NCOA4: variants seen among roughly 807,000 people sequenced by gnomAD.
The protein encoded by NCOA4 is nuclear receptor coactivator 4.
NCOA4 carries 31 observed loss-of-function variants against 69.5 expected under a neutral mutation model. The ratio of observed to expected loss-of-function variants is 0.45; its 90% CI spans 0.34 to 0.60. NCOA4 has a LOEUF of 0.60. NCOA4 is among the 20% of genes least tolerant of loss of function. NCOA4 has a pLI of 0.02. For synonymous variants in NCOA4, 228 were observed against 252.4 expected (o/e 0.90, Z 0.92); for missense variants, 600 against 719.2 (o/e 0.83, Z 1.90).
At chr10:46,023,054 C>T (rs1016078002) in intron 1 of NCOA4, among the ~76,000 whole-genome samples, 1 of 152,226 alleles carries the variant, frequency 6.6e-6, no homozygotes, top group African/African-American at 2.4e-5. Context: ...CCCAGCACAT[C>T]AATTTTCTAA....
chr10:46,022,495 T>G (rs148094875), intron 1 of NCOA4: 18 of 461,790 alleles, frequency 3.9e-5, no homozygotes, highest in South Asian at 2.7e-4. Context: ...AGACGGAGTC[T>G]AGCTCTGCCG....
At chr10:46,025,996 C>A (rs1389860837) in intron 1 of NCOA4, among the ~76,000 whole-genome samples, 1 of 152,180 alleles carries the variant, frequency 6.6e-6, no homozygotes, top group Non-Finnish European at 1.5e-5. Flanking sequence ...ATGTCCCTGG[C>A]AATTGTACAA....
Position 46,014,868 on chromosome 10 carries a change from A to G in NCOA4, c.357T>C (p.Ser119=). ...AGGGTCATTACCTCTCCAGGCACAC[A>G]GAGACTTGATTGGCTAGATCTTTGT... ...TQNKDLANQV[S]VCLERLGSLT... The change falls in exon 4 of 10, where the codon TCT becomes TCC. Residue 119 remains serine (S), a synonymous_variant. Coordinates refer to ENST00000581486, the MANE Select transcript of NCOA4 (RefSeq NM_001145263.2). 1.9e-6 allele frequency: 3 copies of G among 1,614,006 alleles called. No homozygotes were observed. The highest frequency in any genetic ancestry group is 2.5e-6 in the Non-Finnish European group (3 of 1,179,844).
At chr10:46,026,294 AGT>A (rs1840155363) in intron 1 of NCOA4, among the ~76,000 whole-genome samples, 1 of 152,248 alleles carries the variant, frequency 6.6e-6, no homozygotes, top group African/African-American at 2.4e-5. Context: ...GTGCTGAGAT[AGT>A]GTCTTTCCTG....
chr10:46,022,338 C>G (rs1279424096), intron 1 of NCOA4: 2 of 424,864 alleles, frequency 4.7e-6, no homozygotes, highest in African/African-American at 2.1e-5. Flanking sequence ...ATGAGACAAC[C>G]TGCATTAGAC....
At chr10:46,020,993 A>T (rs972262714) in intron 1 of NCOA4, among the ~76,000 whole-genome samples, 1 of 152,208 alleles carries the variant, frequency 6.6e-6, no homozygotes, top group Admixed American at 6.5e-5. Flanking sequence ...GAGGAAGTAA[A>T]GGAGGAGGAA....
chr10:46,006,696 A>G, intron 9 of NCOA4, 99 bp from the exon 10 acceptor site: 1 of 1,065,912 alleles, frequency 9.4e-7, no homozygotes, highest in Non-Finnish European at 1.5e-6. Flanking sequence ...ATACAGGTAT[A>G]CCCTTGTTAC....
At chr10:46,030,260 G>A (rs948056694) in intron 1 of NCOA4, among the ~76,000 whole-genome samples, 1 of 152,052 alleles carries the variant, frequency 6.6e-6, no homozygotes, top group African/African-American at 2.4e-5. Flanking sequence ...AGGAGGGTCG[G>A]GGAGGAAAAG....
intron 7 of NCOA4, among the ~76,000 whole-genome samples, chr10:46,011,601 A>G (rs1839210369): frequency 6.6e-6 from 1 of 152,026 alleles, no homozygotes; most frequent in Non-Finnish European, 1.5e-5. Flanking sequence ...TGTCTTGCCC[A>G]GTGTTTTGAA....
rs187538862 is a variant in NCOA4 at position 46,006,076 on chromosome 10, A to G, written c.*516T>C. ...ATTAATATATATTTTGGTAATCACT[A>G]TTGACCAGGTTAATTTTTTTGTGCA... On this transcript the variant is annotated 3_prime_UTR_variant, in exon 10 of 10. Coordinates refer to ENST00000581486, the MANE Select transcript of NCOA4 (RefSeq NM_001145263.2). 18 of 210,322 alleles carry G rather than the reference A, an allele frequency of 8.6e-5. 1 individual carries two copies. The East Asian group carries it at 1.2e-3, about 15-fold the overall frequency. 13.0% of individuals were successfully genotyped at this position (210,322 alleles called of 1,614,324 possible).
intron 1 of NCOA4, among the ~76,000 whole-genome samples, chr10:46,023,699 T>TG (rs1471886085): frequency 2.6e-5 from 4 of 152,234 alleles, no homozygotes; most frequent in Non-Finnish European, 5.9e-5. Context: ...TCTCCCCACT[T>TG]GCTCCACCCG....
intron 1 of NCOA4, chr10:46,027,476 A>T (rs2132390757): frequency 6.4e-7 from 1 of 1,551,414 alleles, no homozygotes; most frequent in Non-Finnish European, 8.7e-7. Flanking sequence ...TCCAGCCTAG[A>T]CCTCCACATT....
At chr10:46,008,216 GTAT>G (rs1838967548) in intron 9 of NCOA4, among the ~76,000 whole-genome samples, 1 of 152,182 alleles carries the variant, frequency 6.6e-6, no homozygotes, top group African/African-American at 2.4e-5. Context: ...CAACTTTCAA[GTAT>G]TATTTAAGAA....
At position 46,006,574 on chromosome 10, in the gene NCOA4, C is replaced by T; in HGVS notation, c.*18G>A. The T allele has an allele frequency of 6.2e-7, 1 of 1,613,878 alleles. No individual in the cohort carries two copies. Among genetic ancestry groups the T allele is most frequent in the Middle Eastern group, 1.7e-4 (1 of 5,960 alleles). ...TGTGATAATCAGCAGAAAGGCTGCTCAACTCTTGTCCATTCCTTCACATCT... is the reference window on the plus strand; with the variant it reads ...TGTGATAATCAGCAGAAAGGCTGCTTAACTCTTGTCCATTCCTTCACATCT... On this transcript the variant is annotated 3_prime_UTR_variant, in exon 10 of 10. Transcript: ENST00000581486.
At chr10:46,024,760 C>A (rs542985151) in intron 1 of NCOA4, among the ~76,000 whole-genome samples, 3 of 152,276 alleles carry the variant, frequency 2.0e-5, no homozygotes, top group African/African-American at 7.2e-5. Context: ...TATTTTACCT[C>A]TCTTCTGCTT....
chr10:46,010,489 T>A lies in NCOA4; in HGVS notation c.1432A>T (p.Thr478Ser). The change falls in exon 8 of 10, where the codon ACT becomes TCT. Residue 478 changes from threonine (T) to serine (S), a missense_variant. Physicochemically the swap from Thr to Ser is moderately conservative, Grantham distance 58. Coordinates refer to ENST00000581486, the MANE Select transcript of NCOA4 (RefSeq NM_001145263.2). The part of the protein sequence containing the change: ...IEQTKAPKAM[T>S]PSRIADSFQV... ...AAGGAATCAGCAATTCTAGAAGGAG[T>A]CATTGCCTTTGGTGCTTTAGTTTGT... The A allele has an allele frequency of 6.2e-7, 1 of 1,614,054 alleles. No individual in the cohort carries two copies. The highest frequency in any genetic ancestry group is 8.5e-7 in the Non-Finnish European group (1 of 1,179,996).
At chr10:46,009,589 C>A in intron 8 of NCOA4, 38 bp from the exon 9 acceptor site, 3 of 1,576,818 alleles carry the variant, frequency 1.9e-6, no homozygotes, top group Non-Finnish European at 1.7e-6. Flanking sequence ...TTCATGAAAA[C>A]AAGGAGGCAT....
At position 46,009,506 on chromosome 10, in the gene NCOA4, G is replaced by A. The variant is rs782404346; in HGVS notation, c.1744C>T (p.Pro582Ser). 2.7e-5 allele frequency: 44 copies of A among 1,611,070 alleles called. No individual in the cohort carries two copies. The highest frequency in any genetic ancestry group is 3.1e-5 in the Non-Finnish European group (37 of 1,179,086). Residue 582 changes from proline to serine, a missense_variant, in exon 9 of 10, where the codon CCA becomes TCA. Physicochemically the swap from Pro to Ser is moderately conservative, Grantham distance 74. Transcript: ENST00000581486. ...ACTGCAGGGAGGCCATAATGGTCTG[G>A]GGGGAAGTTATGTTCCTCCTGTAGA... ...SPLQEEHNFP[P>S]DHYGLPAVCD...
Position 46,010,463 on chromosome 10 carries a change from G to A in NCOA4, c.1458C>T (p.Phe486=). Residue 486 remains phenylalanine, a synonymous_variant, in exon 8 of 10, where the codon TTC becomes TTT. Transcript: ENST00000581486. Reference sequence around the variant, plus strand: ...ACAAGGGGCTGTTCTTTATGACTTGGAAGGAATCAGCAATTCTAGAAGGAG... The same window carrying A: ...ACAAGGGGCTGTTCTTTATGACTTGAAAGGAATCAGCAATTCTAGAAGGAG... ...AMTPSRIADS[F]QVIKNSPLSE... The A allele has an allele frequency of 6.2e-7, 1 of 1,614,166 alleles. No homozygotes were observed.
Sources: allele counts gnomAD v4.1 joint callset (sites outside exome capture counted in the v4.1 genomes callset), GRCh38; gene constraint gnomAD v4.1.1; transcripts MANE v1.5; gene names NCBI Gene and HGNC (gene_info 2026-07-23, HGNC 2026-07-21).